Variants in ATP6V1B1 observed in about 807,000 individuals in gnomAD.
ATP6V1B1 encodes ATPase H+ transporting V1 subunit B1.
ATP6V1B1 carries 41 observed loss-of-function variants against 62.1 expected under a neutral mutation model. The ratio of observed to expected loss-of-function variants is 0.66; its 90% CI spans 0.51 to 0.86. The LOEUF is 0.86. Among genes scored for constraint, ATP6V1B1 ranks in the 40% least tolerant of loss-of-function variants. The pLI is 0.00. For synonymous variants in ATP6V1B1, 253 were observed against 273.4 expected, an observed-to-expected ratio of 0.93 and a Z score of 0.74; for missense variants, 651 against 697.5, an observed-to-expected ratio of 0.93 and a Z score of 0.75.
chr2:70,964,001 C>G, intron 11 of ATP6V1B1: 1 of 453,498 alleles, frequency 2.2e-6, no homozygotes, highest in South Asian at 2.2e-5. Flanking sequence ...ATTTGCCTTC[C>G]CTTTCCAGTT....
Position 70,945,699 on chromosome 2 carries a change from G to GATATATATATATATATATAT in ATP6V1B1, c.174+1987_174+1988insTATATATATATATATATATA, listed in dbSNP as rs1450719874. 2.9e-5 allele frequency among the ~76,000 whole-genome samples: 2 copies of GATATATATATATATATATAT among 70,100 alleles called. 1 individual carries two copies. Among genetic ancestry groups the GATATATATATATATATATAT allele is most frequent in the Non-Finnish European group, 5.5e-5 (2 of 36,102 alleles). The allele number at this position is 70,100 out of a possible 152,430, so 46.0% of individuals were successfully genotyped here. A position where few individuals can be genotyped will look rare whatever the true frequency, so the allele number is the denominator to read the frequency against. ...AGTATCCTCTTTCTGGCTATTTGAA[G>GATATATATATATATATATAT]AGATATATATATATATATATATATA... On this transcript the variant is annotated intron_variant, in intron 2 of 13. Transcript: ENST00000234396.
At position 70,937,051 on chromosome 2, in the gene ATP6V1B1, A is replaced by G. The variant is rs528424428; in HGVS notation, c.118+979A>G. Among the ~76,000 whole-genome samples the G allele has an allele frequency of 5.3e-5, 8 of 151,654 alleles. No homozygotes were observed. The South Asian group carries it at 8.4e-4, about 16-fold the overall frequency. Reference sequence around the variant, plus strand: ...GCCCTGCTCACTGGAGTAAACCAGCATGGCCCGCCACAGCTATGCAAAGCC... The same window carrying G: ...GCCCTGCTCACTGGAGTAAACCAGCGTGGCCCGCCACAGCTATGCAAAGCC... On this transcript the variant is annotated intron_variant, in intron 1 of 13. Transcript: ENST00000234396.
chr2:70,959,214 C>T lies in ATP6V1B1; in HGVS notation c.445+119C>T, dbSNP rs1680520369. The T allele has an allele frequency of 3.7e-6, 4 of 1,080,702 alleles. No individual in the cohort carries two copies. The Admixed American group carries it at 7.8e-5, about 21-fold the overall frequency. 66.9% of individuals were successfully genotyped at this position (1,080,702 alleles called of 1,614,324 possible). A position where few individuals can be genotyped will look rare whatever the true frequency, so the allele number is the denominator to read the frequency against. The stretch of plus-strand genomic sequence containing the variant: ...TGTGATGGGAGAGCAGCAAAGGCCT[C>T]TCTATCCCCAAATCTTCCACTGAAC... On this transcript the variant is annotated intron_variant, in intron 5 of 13. Transcript: ENST00000234396. The surrounding 1 kb of genome is among the most constrained non-coding windows in gnomAD (Gnocchi z 4.2).
Position 70,963,479 on chromosome 2 carries a change from A to C in ATP6V1B1, c.1061-93A>C. 1 of 1,528,768 alleles carries C rather than the reference A, an allele frequency of 6.5e-7. No individual in the cohort carries two copies. Among genetic ancestry groups the C allele is most frequent in the Non-Finnish European group, 9.0e-7 (1 of 1,105,760 alleles). 94.7% of individuals were successfully genotyped at this position (1,528,768 alleles called of 1,614,324 possible). A position where few individuals can be genotyped will look rare whatever the true frequency, so the allele number is the denominator to read the frequency against. Reference sequence around the variant, plus strand: ...CCATCCATGCCCCCCACACATCCCTATCACTCCCATGAGGGAAACAGACCC... The same window carrying C: ...CCATCCATGCCCCCCACACATCCCTCTCACTCCCATGAGGGAAACAGACCC... On this transcript the variant is annotated intron_variant, in intron 10 of 13. Transcript: ENST00000234396. The surrounding 1 kb of genome is among the most constrained non-coding windows in gnomAD (Gnocchi z 4.3).
intron 2 of ATP6V1B1, among the ~76,000 whole-genome samples, chr2:70,954,551 C>T (rs1200588952): frequency 1.3e-5 from 2 of 152,164 alleles, no homozygotes; most frequent in Non-Finnish European, 2.9e-5. Flanking sequence ...AATTCAGAAG[C>T]GTGCTTTAAT....
At chr2:70,944,190 C>CA (rs1235369960) in intron 2 of ATP6V1B1, 8 of 1,289,652 alleles carry the variant, frequency 6.2e-6, no homozygotes, top group Non-Finnish European at 2.0e-6. Flanking sequence ...TGATGGCCTC[C>CA]AAAGGCCTTT....
intron 1 of ATP6V1B1, chr2:70,942,452 A>G (rs1440207623): frequency 1.5e-5 from 6 of 398,424 alleles, no homozygotes; most frequent in Non-Finnish European, 2.7e-5. Context: ...AAGAGCTTAG[A>G]TCAAACAAAA....
At position 70,964,990 on chromosome 2, in the gene ATP6V1B1, C is replaced by T. The variant is rs781864040; in HGVS notation, c.1411C>T (p.Leu471=). 2 of 1,613,954 alleles carry T rather than the reference C, an allele frequency of 1.2e-6. No individual in the cohort carries two copies. Among genetic ancestry groups the T allele is most frequent in the Admixed American group, 3.3e-5 (2 of 60,032 alleles). Residue 471 remains leucine, a synonymous_variant, in exon 14 of 14, where the codon CTG becomes TTG. Coordinates refer to ENST00000234396, the MANE Select transcript of ATP6V1B1 (RefSeq NM_001692.4). The part of the protein sequence containing the change: ...PYENRSVFES[L]DLGWKLLRIF... ...CGAGAACCGCTCGGTGTTCGAGTCG[C>T]TGGACCTGGGCTGGAAGCTGCTGCG...
intron 11 of ATP6V1B1, chr2:70,964,112 GTATTTTTTT>G (rs1308521280): frequency 4.4e-4 from 70 of 158,334 alleles, no homozygotes; most frequent in Middle Eastern, 2.2e-3. Context: ...TGCTTGGCAG[GTATTTTTTT>G]TTTTTTTTTT....
intron 2 of ATP6V1B1, among the ~76,000 whole-genome samples, chr2:70,947,208 C>T (rs1553417532): frequency 6.6e-6 from 1 of 152,088 alleles, no homozygotes; most frequent in Non-Finnish European, 1.5e-5. Context: ...GTGCATTTTT[C>T]TGGTAGGAGT....
chr2:70,963,695 A>G lies in ATP6V1B1; in HGVS notation c.1143+41A>G, dbSNP rs782706705. The G allele has an allele frequency of 1.3e-6, 2 of 1,590,556 alleles. No homozygotes were observed. The highest frequency in any genetic ancestry group is 2.7e-5 in the African/African-American group (2 of 74,372). ...TACCCACTTCCTGCTCTCAGCCCAGAGAAACACTGAGGAACAGATGTTTCA... is the reference window on the plus strand; with the variant it reads ...TACCCACTTCCTGCTCTCAGCCCAGGGAAACACTGAGGAACAGATGTTTCA... On this transcript the variant is annotated intron_variant, in intron 11 of 13. Coordinates refer to ENST00000234396, the MANE Select transcript of ATP6V1B1 (RefSeq NM_001692.4). The surrounding 1 kb of genome is among the most constrained non-coding windows in gnomAD (Gnocchi z 4.3).
chr2:70,960,662 A>G (rs1680563390), intron 6 of ATP6V1B1, among the ~76,000 whole-genome samples: 1 of 152,122 alleles, frequency 6.6e-6, no homozygotes, highest in Non-Finnish European at 1.5e-5. Context: ...GCCCTATGCC[A>G]AGGTACCCAG....
At chr2:70,945,701 G>GAGATATATATATATATATATATATATAT (rs1553417203) in intron 2 of ATP6V1B1, among the ~76,000 whole-genome samples, 1 of 83,016 alleles carries the variant, frequency 1.2e-5, no homozygotes, top group African/African-American at 4.8e-5. Flanking sequence ...TATTTGAAGA[G>GAGATATATATATATATATATATATATAT]ATATATATAT....
At chr2:70,964,209 T>G in intron 11 of ATP6V1B1, 1 of 523,774 alleles carries the variant, frequency 1.9e-6, no homozygotes, top group Non-Finnish European at 3.4e-6. Context: ...CTGAGCCTTT[T>G]ATTAACTAAT....
chr2:70,959,175 A>T lies in ATP6V1B1; in HGVS notation c.445+80A>T. 3 of 1,479,382 alleles carry T rather than the reference A, an allele frequency of 2.0e-6. No homozygotes were observed. The highest frequency in any genetic ancestry group is 2.3e-5 in the South Asian group (2 of 86,648). 91.6% of individuals were successfully genotyped at this position (1,479,382 alleles called of 1,614,324 possible). The stretch of plus-strand genomic sequence containing the variant: ...ACTCTTGGAAGTTCTGCCCAGACTC[A>T]CAAGCAGATCAGATGTGATGGGAGA... On this transcript the variant is annotated intron_variant, in intron 5 of 13. Transcript: ENST00000234396. The surrounding 1 kb of genome is among the most constrained non-coding windows in gnomAD (Gnocchi z 4.2).
rs562865819 is a variant in ATP6V1B1 at position 70,938,795 on chromosome 2, G to A, written c.118+2723G>A. The A allele has an allele frequency of 3.6e-5, 35 of 985,356 alleles. 1 individual carries two copies. The South Asian group carries it at 1.5e-3, about 41-fold the overall frequency. The allele number at this position is 985,356 out of a possible 1,614,324, so 61.0% of individuals were successfully genotyped here. On this transcript the variant is annotated intron_variant, in intron 1 of 13. Transcript: ENST00000234396. ...TGGGCAGAAGATGTTGGGCTTGGAGGGTGGAGGTGCCCAGCAGGAGCAAAG... is the reference window on the plus strand; with the variant it reads ...TGGGCAGAAGATGTTGGGCTTGGAGAGTGGAGGTGCCCAGCAGGAGCAAAG...
chr2:70,945,387 C>T (rs1368122376), intron 2 of ATP6V1B1, among the ~76,000 whole-genome samples: 1 of 152,006 alleles, frequency 6.6e-6, no homozygotes, highest in Non-Finnish European at 1.5e-5. Flanking sequence ...AAAAATGTAA[C>T]TTTCCCATTC....
At position 70,965,031 on chromosome 2, in the gene ATP6V1B1, G is replaced by A; in HGVS notation, c.1452G>A (p.Glu484=). 1 of 1,613,714 alleles carries A rather than the reference G, an allele frequency of 6.2e-7. No individual in the cohort carries two copies. The highest frequency in any genetic ancestry group is 1.3e-5 in the African/African-American group (1 of 75,060). ...AGCTGCTGCGCATCTTCCCCAAGGA[G>A]ATGCTGAAGCGCATTCCGCAGGCCG... ...GWKLLRIFPK[E]MLKRIPQAVI... is the part of the protein sequence containing the mutation. Residue 484 remains glutamate (E), a synonymous_variant, in exon 14 of 14, where the codon GAG becomes GAA. Transcript: ENST00000234396.
At chr2:70,945,735 T>TAC (rs1680152425) in intron 2 of ATP6V1B1, among the ~76,000 whole-genome samples, 1 of 133,036 alleles carries the variant, frequency 7.5e-6, no homozygotes, top group East Asian at 2.2e-4. Flanking sequence ...TATATATATA[T>TAC]ATATATAGTT....
Sources: allele counts gnomAD v4.1 joint callset (sites outside exome capture counted in the v4.1 genomes callset), GRCh38; gene constraint gnomAD v4.1.1; non-coding constraint Gnocchi (gnomAD v3.1); transcripts MANE v1.5; gene names NCBI Gene and HGNC (gene_info 2026-07-23, HGNC 2026-07-21).